The following NCAM2 variants were observed in gnomAD, a reference collection of about 807,000 sequenced individuals.
NCAM2 encodes N-CAM-2.
A neutral mutation model predicts 98.1 loss-of-function variants in NCAM2; 30 were observed. The ratio of observed to expected loss-of-function variants is 0.31; its 90% CI spans 0.23 to 0.41. The LOEUF (loss-of-function observed/expected upper bound fraction) is 0.41, where lower values mean the gene tolerates loss of function less well. Ranked by LOEUF, NCAM2 falls within the 10% of genes least tolerant of loss-of-function variation. The probability of loss-of-function intolerance (pLI) is 1.00; values close to 1 mark genes in which losing one functional copy is unlikely to be tolerated. For missense variants in NCAM2, 867 were observed against 1,005.8 expected (o/e 0.86, Z 1.87); for synonymous variants, 368 against 342.4 (o/e 1.07, Z -0.83).
chr21:21,192,087 G>A (rs1243586766), intron 1 of NCAM2, among the ~76,000 whole-genome samples: 1 of 152,096 alleles, frequency 6.6e-6, no homozygotes, highest in Non-Finnish European at 1.5e-5. Context: ...TCCTGGCATG[G>A]TGGCGCGCTG....
chr21:21,308,298 A>G (rs1411277491), intron 5 of NCAM2, among the ~76,000 whole-genome samples: 1 of 152,086 alleles, frequency 6.6e-6, no homozygotes. Context: ...CATTTCTTGT[A>G]GTGCACTTCT....
chr21:21,006,682 C>T (rs1486734826), intron 1 of NCAM2, among the ~76,000 whole-genome samples: 1 of 152,104 alleles, frequency 6.6e-6, no homozygotes, highest in African/African-American at 2.4e-5. Context: ...TACAAGTATT[C>T]ATGTACTTAG....
chr21:21,368,167 T>C (rs984936855), intron 8 of NCAM2, among the ~76,000 whole-genome samples: 14 of 151,960 alleles, frequency 9.2e-5, no homozygotes, highest in Admixed American at 7.9e-4. Context: ...TATTTTAAAA[T>C]ATAAATGTAT....
At chr21:21,400,622 G>A (rs918836970) in intron 9 of NCAM2, among the ~76,000 whole-genome samples, 1 of 145,486 alleles carries the variant, frequency 6.9e-6, no homozygotes, top group Non-Finnish European at 1.5e-5. Flanking sequence ...TTGAGATGGA[G>A]TCGCCCAGGC....
intron 1 of NCAM2, chr21:21,210,588 A>G (rs1187625292): frequency 2.3e-6 from 3 of 1,289,030 alleles, no homozygotes; most frequent in Non-Finnish European, 3.0e-6. Flanking sequence ...CAGGAGGACA[A>G]GTTTACCTTG....
intron 1 of NCAM2, among the ~76,000 whole-genome samples, chr21:21,023,521 TAAA>T (rs960175416): frequency 1.4e-5 from 2 of 140,840 alleles, no homozygotes; most frequent in African/African-American, 5.2e-5. Flanking sequence ...GAGACTCCAT[TAAA>T]AAAAAAAAAA....
chr21:21,191,999 A>T (rs2068838724), intron 1 of NCAM2, among the ~76,000 whole-genome samples: 1 of 152,172 alleles, frequency 6.6e-6, no homozygotes, highest in Non-Finnish European at 1.5e-5. Context: ...AGGCAGGCGG[A>T]TCACCTGAGG....
chr21:21,379,133 A>C (rs942871305), intron 9 of NCAM2, among the ~76,000 whole-genome samples: 1 of 151,994 alleles, frequency 6.6e-6, no homozygotes, highest in Non-Finnish European at 1.5e-5. Flanking sequence ...CTAGTTGATC[A>C]AGCACTAGTT....
intron 9 of NCAM2, among the ~76,000 whole-genome samples, chr21:21,400,457 A>G (rs1454383309): frequency 1.3e-5 from 2 of 152,138 alleles, no homozygotes; most frequent in African/African-American, 4.8e-5. Flanking sequence ...CACAATTTTT[A>G]TTAATTATAT....
intron 1 of NCAM2, among the ~76,000 whole-genome samples, chr21:21,016,373 G>A (rs967177765): frequency 2.0e-5 from 3 of 152,148 alleles, no homozygotes; most frequent in Admixed American, 6.5e-5. Context: ...TTCTTACAGT[G>A]TACCATATTT....
intron 1 of NCAM2, among the ~76,000 whole-genome samples, chr21:21,047,847 G>A (rs1280381985): frequency 6.6e-6 from 1 of 152,046 alleles, no homozygotes; most frequent in Admixed American, 6.5e-5. Context: ...TAAGAGGTCT[G>A]GGAAGTCATG....
intron 1 of NCAM2, among the ~76,000 whole-genome samples, chr21:21,032,059 C>T (rs2064696388): frequency 6.6e-6 from 1 of 152,096 alleles, no homozygotes; most frequent in Admixed American, 6.5e-5. Context: ...GTTTATCAGG[C>T]ACCACTATTA....
chr21:21,362,965 C>T (rs538597255), intron 8 of NCAM2, among the ~76,000 whole-genome samples: 7 of 152,076 alleles, frequency 4.6e-5, no homozygotes, highest in Non-Finnish European at 7.4e-5. Context: ...CATTTAATTC[C>T]GAAGTTCACT....
intron 1 of NCAM2, among the ~76,000 whole-genome samples, chr21:21,235,245 T>A (rs2070773975): frequency 6.6e-6 from 1 of 152,056 alleles, no homozygotes; most frequent in Admixed American, 6.6e-5. Flanking sequence ...ATTCAATTTT[T>A]TATAAGAACT....
At chr21:21,241,949 C>A (rs1216788585) in intron 1 of NCAM2, among the ~76,000 whole-genome samples, 1 of 152,030 alleles carries the variant, frequency 6.6e-6, no homozygotes, top group Non-Finnish European at 1.5e-5. Context: ...TGAAAGCTTG[C>A]AGACTAATAA....
At chr21:21,127,006 G>A (rs76632326) in intron 1 of NCAM2, among the ~76,000 whole-genome samples, 2,061 of 151,850 alleles carry the variant, frequency 0.014, 44 homozygotes, top group African/African-American at 0.048. Flanking sequence ...AGAACTTTCA[G>A]AAATAACTGA....
At chr21:21,411,077 C>T (rs1015549552) in intron 10 of NCAM2, among the ~76,000 whole-genome samples, 6 of 6,208 alleles carry the variant, frequency 9.7e-4, no homozygotes, top group Middle Eastern at 0.056. Context: ...TATACACACA[C>T]ATATATATAT....
rs186754157 is a variant in NCAM2 at position 21,218,974 on chromosome 21, C to G, written c.56-61604C>G. 3.3e-5 allele frequency among the ~76,000 whole-genome samples: 5 copies of G among 152,256 alleles called. No homozygotes were observed. The East Asian group carries it at 9.7e-4, about 30-fold the overall frequency. ...AGGAGAATCACTTCAACTCGGGAGGCAGAGTTTGCAGTGAGCTGAAATCGT... is the reference window on the plus strand; with the variant it reads ...AGGAGAATCACTTCAACTCGGGAGGGAGAGTTTGCAGTGAGCTGAAATCGT... On this transcript the variant is annotated intron_variant, in intron 1 of 17. Transcript: ENST00000400546.
intron 14 of NCAM2, among the ~76,000 whole-genome samples, chr21:21,469,222 C>T (rs1984113870): frequency 6.6e-6 from 1 of 151,856 alleles, no homozygotes; most frequent in South Asian, 2.1e-4. Context: ...AAAGAATGGC[C>T]ACGGTGAACT....
Sources: gnomAD v4.1 joint callset for allele counts (sites outside exome capture counted in the v4.1 genomes callset) on GRCh38, gnomAD v4.1.1 for gene constraint, MANE v1.5 for transcripts, NCBI Gene and HGNC (gene_info 2026-07-23, HGNC 2026-07-21) for gene names.